Variants in ZFHX3 observed in about 807,000 individuals in gnomAD.
The protein encoded by ZFHX3 is zinc finger homeobox 3.
Under a neutral mutation model 279.1 loss-of-function variants are expected in ZFHX3, and 42 were observed. The ratio of observed to expected loss-of-function variants is 0.15; its 90% CI spans 0.12 to 0.19. ZFHX3 has a LOEUF of 0.19. ZFHX3 is among the 10% of genes least tolerant of loss of function. The pLI is 1.00. For synonymous variants in ZFHX3, 2,293 were observed against 1,957.8 expected (o/e 1.17, Z -4.52); for missense variants, 4,981 against 4,754.0 (o/e 1.05, Z -1.40).
chr16:73,749,576 C>T (rs927860378), intron 1 of ZFHX3, among the ~76,000 whole-genome samples: 1 of 152,120 alleles, frequency 6.6e-6, no homozygotes, highest in African/African-American at 2.4e-5. Flanking sequence ...AAAAGAGATA[C>T]AGAATAACAC....
chr16:73,777,110 C>T (rs1163040814), intron 1 of ZFHX3, among the ~76,000 whole-genome samples: 1 of 152,118 alleles, frequency 6.6e-6, no homozygotes, highest in African/African-American at 2.4e-5. Flanking sequence ...ACACATCGAT[C>T]CTAATTGCTG....
chr16:73,746,851 A>G lies in ZFHX3; in HGVS notation c.-1607-66611T>C, dbSNP rs140368249. On this transcript the variant is annotated intron_variant, in intron 1 of 17. Coordinates refer to the ZFHX3 transcript ENST00000641206. ...CCAGAGTCTAAACTTTCCTACTATTAAGAGACTAGCCTTCTTTTTTCCTTA... is the reference window on the plus strand; with the variant it reads ...CCAGAGTCTAAACTTTCCTACTATTGAGAGACTAGCCTTCTTTTTTCCTTA... Among the ~76,000 whole-genome samples the G allele has an allele frequency of 6.5e-3, 989 of 152,342 alleles. 12 individuals are homozygous for G. Among genetic ancestry groups the G allele is most frequent in the African/African-American group, 0.022 (918 of 41,566 alleles).
intron 4 of ZFHX3, among the ~76,000 whole-genome samples, chr16:73,260,005 G>T (rs1416133731): frequency 6.6e-6 from 1 of 151,714 alleles, no homozygotes; most frequent in Non-Finnish European, 1.5e-5. Flanking sequence ...CCTTTCCCAG[G>T]ATCCAATCTA....
intron 5 of ZFHX3, among the ~76,000 whole-genome samples, chr16:73,196,256 C>A (rs1426667850): frequency 1.3e-5 from 2 of 151,648 alleles, no homozygotes; most frequent in Admixed American, 6.6e-5. Flanking sequence ...GAAGCTCTAC[C>A]CCGAATGGGA....
intron 2 of ZFHX3, among the ~76,000 whole-genome samples, chr16:72,954,660 T>G (rs1247459980): frequency 1.3e-5 from 2 of 152,178 alleles, no homozygotes; most frequent in Non-Finnish European, 2.9e-5. Flanking sequence ...GCAACCCCTT[T>G]CTTGGTGCTA....
At chr16:73,679,422 T>G (rs2052987941) in intron 2 of ZFHX3, 1 of 152,192 alleles carries the variant, frequency 6.6e-6, no homozygotes, top group Admixed American at 6.5e-5. Context: ...GAACACTTTC[T>G]TCCTATGGGG....
chr16:73,877,151 G>C (rs918082279), intron 1 of ZFHX3, among the ~76,000 whole-genome samples: 1 of 132,354 alleles, frequency 7.6e-6, no homozygotes, highest in Non-Finnish European at 1.6e-5. Flanking sequence ...CATGTATGGT[G>C]CATCAAGCAT....
chr16:73,264,726 T>C (rs35582554), intron 4 of ZFHX3, among the ~76,000 whole-genome samples: 43,808 of 151,974 alleles, frequency 0.29, 7,259 homozygotes, highest in Non-Finnish European at 0.39. Context: ...CTTTATCTCT[T>C]ACATCCTTCC....
At chr16:72,899,126 T>C (rs2032265843) in intron 3 of ZFHX3, among the ~76,000 whole-genome samples, 6 of 152,210 alleles carry the variant, frequency 3.9e-5, no homozygotes, top group Admixed American at 3.9e-4. Context: ...CCTAGCACTA[T>C]TTTCCAGCTT....
At chr16:73,296,543 C>T (rs1285342200) in intron 4 of ZFHX3, among the ~76,000 whole-genome samples, 1 of 152,134 alleles carries the variant, frequency 6.6e-6, no homozygotes, top group Non-Finnish European at 1.5e-5. Context: ...CATTACAAGG[C>T]CCAACAAATT....
chr16:72,864,717 C>T (rs181780736), intron 4 of ZFHX3, among the ~76,000 whole-genome samples: 18 of 152,336 alleles, frequency 1.2e-4, no homozygotes, highest in African/African-American at 4.1e-4. Context: ...CATACTGGCA[C>T]ATCAGGACCA....
At chr16:72,896,029 T>A (rs1239120315) in intron 3 of ZFHX3, among the ~76,000 whole-genome samples, 1 of 152,144 alleles carries the variant, frequency 6.6e-6, no homozygotes, top group Non-Finnish European at 1.5e-5. Flanking sequence ...CTTGGAGAAG[T>A]ATGATGAAGG....
At chr16:73,176,798 C>A (rs1967676860) in intron 5 of ZFHX3, among the ~76,000 whole-genome samples, 1 of 151,902 alleles carries the variant, frequency 6.6e-6, no homozygotes, top group Non-Finnish European at 1.5e-5. Context: ...CCAGCCCTAT[C>A]CTGCCATCTA....
At chr16:73,262,932 T>C (rs2144970254) in intron 4 of ZFHX3, among the ~76,000 whole-genome samples, 1 of 152,044 alleles carries the variant, frequency 6.6e-6, no homozygotes, top group East Asian at 1.9e-4. Context: ...CTGCCAGACA[T>C]GTGAGTGAGG....
At chr16:73,654,033 A>C (rs1416395802) in intron 2 of ZFHX3, among the ~76,000 whole-genome samples, 4 of 151,988 alleles carry the variant, frequency 2.6e-5, no homozygotes, top group African/African-American at 9.7e-5. Flanking sequence ...AAATACAAAA[A>C]ATTAGCCGGG....
chr16:73,276,243 G>A (rs2143043990), intron 4 of ZFHX3, among the ~76,000 whole-genome samples: 1 of 150,644 alleles, frequency 6.6e-6, no homozygotes, highest in African/African-American at 2.4e-5. Flanking sequence ...GAGTGCAATG[G>A]TGCGATCTCA....
chr16:73,327,909 A>G (rs551111321), intron 3 of ZFHX3, among the ~76,000 whole-genome samples: 106 of 152,294 alleles, frequency 7.0e-4, no homozygotes, highest in Admixed American at 3.1e-3. Context: ...ATGGATTTAT[A>G]AAATCCCAGA....
intron 1 of ZFHX3, among the ~76,000 whole-genome samples, chr16:73,833,422 T>C (rs1961052102): frequency 6.6e-6 from 1 of 152,170 alleles, no homozygotes; most frequent in Non-Finnish European, 1.5e-5. Context: ...TAAAGCACAG[T>C]TCCTGTCCTC....
intron 2 of ZFHX3, among the ~76,000 whole-genome samples, chr16:73,608,127 T>C (rs1321026165): frequency 6.6e-6 from 1 of 151,460 alleles, no homozygotes; most frequent in Non-Finnish European, 1.5e-5. Context: ...AAAGATGACC[T>C]GAGAAATAAC....
Sources: allele counts gnomAD v4.1 joint callset (sites outside exome capture counted in the v4.1 genomes callset), GRCh38; gene constraint gnomAD v4.1.1; transcripts MANE v1.5; gene names NCBI Gene and HGNC (gene_info 2026-07-23, HGNC 2026-07-21).